Variants in NUAK1 observed in about 807,000 individuals in gnomAD.
The protein encoded by NUAK1 is NUAK family SNF1-like kinase 1.
Under a neutral mutation model 56.9 loss-of-function variants are expected in NUAK1, and 26 were observed. That is an observed-to-expected ratio of 0.46 (90% CI 0.33 to 0.63). The LOEUF (loss-of-function observed/expected upper bound fraction) is 0.63. NUAK1 is among the 30% of genes least tolerant of loss of function. The pLI is 0.02. For missense variants in NUAK1, 727 were observed against 876.1 expected (o/e 0.83, Z 2.15); for synonymous variants, 337 against 336.0 (o/e 1.00, Z -0.03).
intron 1 of NUAK1, among the ~76,000 whole-genome samples, chr12:106,124,790 G>C (rs1008664992): frequency 6.6e-6 from 1 of 151,888 alleles, no homozygotes; most frequent in Non-Finnish European, 1.5e-5. Context: ...CAGGTGGATC[G>C]CCTGAGGTTA....
Position 106,064,801 on chromosome 12 carries a change from C to CCCCCCCCCCA in NUAK1, c.*2000_*2001insTGGGGGGGGG, listed in dbSNP as rs2032318179. Reference sequence around the variant, plus strand: ...CATGCACCCACACCCCCACCCCCCCCCACACACACAATTTGCTATCTACAG... The same window carrying CCCCCCCCCCA: ...CATGCACCCACACCCCCACCCCCCCCCCCCCCCCCACACACACACAATTTGCTATCTACAG... On this transcript the variant is annotated 3_prime_UTR_variant, in exon 7 of 7. Transcript: ENST00000261402. 6.8e-6 allele frequency: 1 copy of CCCCCCCCCCA among 146,762 alleles called. No homozygotes were observed. Among genetic ancestry groups the CCCCCCCCCCA allele is most frequent in the Non-Finnish European group, 1.5e-5 (1 of 66,422 alleles). 9.1% of individuals were successfully genotyped at this position (146,762 alleles called of 1,614,324 possible). A position where few individuals can be genotyped will look rare whatever the true frequency, so the allele number is the denominator to read the frequency against.
At chr12:106,073,689 A>G (rs12422286) in intron 4 of NUAK1, among the ~76,000 whole-genome samples, 20,486 of 152,070 alleles carry the variant, frequency 0.13, 2,022 homozygotes, top group East Asian at 0.5. Context: ...GTGGTGGTGC[A>G]TGCCTGTAAT....
In NUAK1 at chr12:106,138,510, C is replaced by A. The variant is rs753715382; in HGVS notation, c.144G>T (p.Lys48Asn). 2.5e-6 allele frequency: 4 copies of A among 1,613,460 alleles called. No homozygotes were observed. In the South Asian group the frequency reaches 4.4e-5, roughly 18 times the overall value. Residue 48 changes from lysine (K) to asparagine (N), a missense_variant, in exon 1 of 7, where the codon AAG becomes AAT. Transcript: ENST00000261402. This position sits in a 1 kb window ranked among gnomAD's most constrained non-coding sequence, Gnocchi z 5.0. Reference sequence around the variant, plus strand: ...GCTCGTAGCGGTGCTTCAAGTTGTGCTTGTGGTGATGCCGCTTCACCCCGT... The same window carrying A: ...GCTCGTAGCGGTGCTTCAAGTTGTGATTGTGGTGATGCCGCTTCACCCCGT... ...KPHGVKRHHH[K>N]HNLKHRYELQ...
rs867671178 is a variant in NUAK1 at position 106,109,451 on chromosome 12, C to T, written c.241-2926G>A. Among the ~76,000 whole-genome samples, 3 of 151,262 alleles carry T rather than the reference C, an allele frequency of 2.0e-5. No homozygotes were observed. In the Middle Eastern group the frequency reaches 0.01, roughly 514 times the overall value. Reference sequence around the variant, plus strand: ...CTATACCCTTCCCATTTTATCTTCTCTGGAGCATTTCACACCAACTACTTT... The same window carrying T: ...CTATACCCTTCCCATTTTATCTTCTTTGGAGCATTTCACACCAACTACTTT... On this transcript the variant is annotated intron_variant, in intron 1 of 6. Transcript: ENST00000261402.
At position 106,111,048 on chromosome 12, in the gene NUAK1, G is replaced by A. The variant is rs185157444; in HGVS notation, c.241-4523C>T. On this transcript the variant is annotated intron_variant, in intron 1 of 6. Transcript: ENST00000261402. ...GGGCTGGGGGATGCAGAGTAGAAGA[G>A]TAAATGCTCAGACTGTCACCGGCTG... 3.9e-3 allele frequency among the ~76,000 whole-genome samples: 587 copies of A among 152,280 alleles called. 1 individual carries two copies. The highest frequency in any genetic ancestry group is 0.013 in the African/African-American group (560 of 41,550).
chr12:106,080,443 T>C (rs1215748108), intron 4 of NUAK1, among the ~76,000 whole-genome samples: 2 of 152,234 alleles, frequency 1.3e-5, no homozygotes, highest in East Asian at 3.8e-4. Flanking sequence ...TTTTTATTAA[T>C]TGCAAATTAG....
intron 1 of NUAK1, among the ~76,000 whole-genome samples, chr12:106,135,248 G>T (rs2136487266): frequency 6.6e-6 from 1 of 152,292 alleles, no homozygotes; most frequent in East Asian, 1.9e-4. Flanking sequence ...TTCTGCAAGA[G>T]TGCCTCATTT....
Position 106,070,916 on chromosome 12 carries a change from A to G in NUAK1, c.700-10T>C. ...GGGCCCAGCTGTCCACCTGGAGCAG[A>G]GAGACAGCACATATAGGAGAGCTGG... On this transcript the variant is annotated splice_polypyrimidine_tract_variant and intron_variant, in intron 5 of 6. Coordinates refer to ENST00000261402, the MANE Select transcript of NUAK1 (RefSeq NM_014840.3). The G allele has an allele frequency of 6.2e-7, 1 of 1,614,056 alleles. No homozygotes were observed. The highest frequency in any genetic ancestry group is 8.5e-7 in the Non-Finnish European group (1 of 1,179,946).
rs143491072 is a variant in NUAK1, at chr12:106,119,800, A to T, written c.241-13275T>A. Among the ~76,000 whole-genome samples, 395 of 152,340 alleles carry T rather than the reference A, an allele frequency of 2.6e-3. 2 individuals are homozygous for T. The highest frequency in any genetic ancestry group is 9.0e-3 in the African/African-American group (376 of 41,574). On this transcript the variant is annotated intron_variant, in intron 1 of 6. Transcript: ENST00000261402. ...AGCAGACATGAGAACTCCAAAACAC[A>T]GTACAGAGGACCATTGAGGAGAATT...
chr12:106,122,000 C>T (rs959849007), intron 1 of NUAK1, among the ~76,000 whole-genome samples: 51 of 152,232 alleles, frequency 3.4e-4, no homozygotes, highest in African/African-American at 1.1e-3. Context: ...ATCTTGTGTG[C>T]GACACTTTCT....
At chr12:106,113,156 C>T (rs527904900) in intron 1 of NUAK1, among the ~76,000 whole-genome samples, 15 of 152,058 alleles carry the variant, frequency 9.9e-5, no homozygotes, top group Non-Finnish European at 2.1e-4. Flanking sequence ...AAAGACTGAG[C>T]TAAGAATGTC....
chr12:106,091,754 C>T (rs2032637961), intron 2 of NUAK1, among the ~76,000 whole-genome samples: 1 of 152,166 alleles, frequency 6.6e-6, no homozygotes, highest in Admixed American at 6.5e-5. Flanking sequence ...TTCCAGGAGA[C>T]TTCCCAGACA....
Position 106,067,522 on chromosome 12 carries a change from A to T in NUAK1, c.1266T>A (p.Gly422=). 2 of 1,614,166 alleles carry T rather than the reference A, an allele frequency of 1.2e-6. No homozygotes were observed. The highest frequency in any genetic ancestry group is 1.6e-4 in the Middle Eastern group (1 of 6,062). The change falls in exon 7 of 7, where the codon GGT becomes GGA. Residue 422 remains glycine (G), a synonymous_variant. Transcript: ENST00000261402. The surrounding 1 kb of genome is among the most constrained non-coding windows in gnomAD (Gnocchi z 6.0). Reference sequence around the variant, plus strand: ...TCTTGAAAGTAGAGGGTAAGGCAGGACCAACTACACCTTCAATGAAGCCAG... The same window carrying T: ...TCTTGAAAGTAGAGGGTAAGGCAGGTCCAACTACACCTTCAATGAAGCCAG... ...HSTGFIEGVV[G]PALPSTFKME...
chr12:106,126,986 C>A (rs2033030815), intron 1 of NUAK1, among the ~76,000 whole-genome samples: 1 of 152,196 alleles, frequency 6.6e-6, no homozygotes, highest in Non-Finnish European at 1.5e-5. Context: ...TGAGCTTACC[C>A]TCCTCTGAAT....
rs2033155895 is a variant in NUAK1, at chr12:106,138,771, A to G, written c.-118T>C. On this transcript the variant is annotated 5_prime_UTR_variant, in exon 1 of 7. Transcript: ENST00000261402. The surrounding 1 kb of genome is among the most constrained non-coding windows in gnomAD (Gnocchi z 5.0). Reference sequence around the variant, plus strand: ...CAAGGTCGCCCCCGCAGCATCAGGGAGGCGGCCCGATACCGCTCGGACTGC... The same window carrying G: ...CAAGGTCGCCCCCGCAGCATCAGGGGGGCGGCCCGATACCGCTCGGACTGC... 1 of 1,356,836 alleles carries G rather than the reference A, an allele frequency of 7.4e-7. No homozygotes were observed. Among genetic ancestry groups the G allele is most frequent in the African/African-American group, 1.5e-5 (1 of 65,458 alleles). 84.0% of individuals were successfully genotyped at this position (1,356,836 alleles called of 1,614,324 possible).
chr12:106,094,342 C>T (rs2032671356), intron 2 of NUAK1, among the ~76,000 whole-genome samples: 1 of 152,192 alleles, frequency 6.6e-6, no homozygotes, highest in African/African-American at 2.4e-5. Flanking sequence ...TCAGTACAGT[C>T]CTCACAGAAA....
At chr12:106,099,384 G>A (rs2032726683) in intron 2 of NUAK1, among the ~76,000 whole-genome samples, 1 of 152,124 alleles carries the variant, frequency 6.6e-6, no homozygotes, top group African/African-American at 2.4e-5. Flanking sequence ...CTTCTTCCTT[G>A]GATGCTGGCA....
chr12:106,110,270 C>A (rs1204432844), intron 1 of NUAK1, among the ~76,000 whole-genome samples: 1 of 152,212 alleles, frequency 6.6e-6, no homozygotes, highest in Non-Finnish European at 1.5e-5. Context: ...ATTCACACTT[C>A]AGCCTTTATG....
Position 106,110,766 on chromosome 12 carries a change from T to C in NUAK1, c.241-4241A>G, listed in dbSNP as rs117723982. 7.7e-4 allele frequency among the ~76,000 whole-genome samples: 118 copies of C among 152,368 alleles called. 1 individual carries two copies. In the East Asian group the frequency reaches 0.015, roughly 19 times the overall value. ...TGGTCTGCTTTTAAATAAGGCCACC[T>C]TATGGTTTAATGTTTAAACCTTCTG... On this transcript the variant is annotated intron_variant, in intron 1 of 6. Coordinates refer to ENST00000261402, the MANE Select transcript of NUAK1 (RefSeq NM_014840.3).
Sources: allele counts gnomAD v4.1 joint callset (sites outside exome capture counted in the v4.1 genomes callset), GRCh38; gene constraint gnomAD v4.1.1; non-coding constraint Gnocchi (gnomAD v3.1); transcripts MANE v1.5; gene names NCBI Gene and HGNC (gene_info 2026-07-23, HGNC 2026-07-21).